The following MAMLD1 variants were observed in gnomAD, a reference collection of about 807,000 sequenced individuals.
MAMLD1 encodes the protein mastermind-like domain-containing protein 1.
MAMLD1 carries 14 observed loss-of-function variants against 45.0 expected under a neutral mutation model. The observed-to-expected ratio is 0.31, with a 90% confidence interval of 0.21 to 0.49. MAMLD1 has a LOEUF of 0.49. MAMLD1 is among the 20% of genes least tolerant of loss of function. The pLI, the probability that MAMLD1 is intolerant of heterozygous loss-of-function variation, is 0.99. For missense variants in MAMLD1, 543 were observed against 603.6 expected, an observed-to-expected ratio of 0.90 and a Z score of 1.05; for synonymous variants, 254 against 247.8, an observed-to-expected ratio of 1.02 and a Z score of -0.24.
At chrX:150,500,798 G>C (rs184751109) in intron 5 of MAMLD1, among the ~76,000 whole-genome samples, 5 of 69,350 alleles carry the variant, frequency 7.2e-5, no homozygotes, top group Middle Eastern at 8.2e-3. Flanking sequence ...TGTGTGATAA[G>C]CAGTTTCTTT....
chrX:150,373,639 T>A (rs1379932915), intron 1 of MAMLD1, among the ~76,000 whole-genome samples: 1 of 111,547 alleles, frequency 9.0e-6, no homozygotes, highest in Non-Finnish European at 1.9e-5. Flanking sequence ...GGCTGCCAAA[T>A]CCCGAGCAAA....
At chrX:150,425,049 CA>C (rs1216841868) in intron 1 of MAMLD1, among the ~76,000 whole-genome samples, 2 of 112,042 alleles carry the variant, frequency 1.8e-5, no homozygotes, top group Non-Finnish European at 3.8e-5. Context: ...ACGGTTCATC[CA>C]TGTTATAACA....
chrX:150,509,170 T>C (rs1432968859), intron 6 of MAMLD1, among the ~76,000 whole-genome samples: 2 of 111,938 alleles, frequency 1.8e-5, no homozygotes, highest in Non-Finnish European at 3.8e-5. Flanking sequence ...CAATTGCCTA[T>C]GCTGCAACTA....
intron 6 of MAMLD1, among the ~76,000 whole-genome samples, chrX:150,507,862 A>T (rs2037779604): frequency 8.9e-6 from 1 of 111,831 alleles, no homozygotes; most frequent in Admixed American, 9.4e-5. Context: ...CACACTCTCC[A>T]GCCTCCATCT....
At chrX:150,367,824 C>T (rs1323920949) in intron 1 of MAMLD1, among the ~76,000 whole-genome samples, 7 of 110,215 alleles carry the variant, frequency 6.4e-5, no homozygotes, top group African/African-American at 2.3e-4. Context: ...GTTTTTTGTC[C>T]TTGCGATAGT....
chrX:150,399,027 T>C (rs1217646868), intron 1 of MAMLD1, among the ~76,000 whole-genome samples: 3 of 112,149 alleles, frequency 2.7e-5, no homozygotes, highest in Non-Finnish European at 5.6e-5. Context: ...TGGTAAACCT[T>C]TGGAACTTTC....
chrX:150,390,773 A>T (rs1481269916), intron 1 of MAMLD1, among the ~76,000 whole-genome samples: 1 of 112,048 alleles, frequency 8.9e-6, no homozygotes, highest in Non-Finnish European at 1.9e-5. Flanking sequence ...TCTTTTCTTT[A>T]TGTAGTTTCA....
In MAMLD1 at chrX:150,512,291, G is replaced by A; in HGVS notation, c.*332G>A. 2 of 1,122,864 alleles carry A rather than the reference G, an allele frequency of 1.8e-6. No individual in the cohort carries two copies. The highest frequency in any genetic ancestry group is 2.3e-6 in the Non-Finnish European group (2 of 853,811). 92.5% of individuals were successfully genotyped at this position (1,122,864 alleles called of 1,213,427 possible). On this transcript the variant is annotated 3_prime_UTR_variant, in exon 8 of 8. Transcript: ENST00000370401. ...CTGCCAGCATATGCAGAGTCCCAAG[G>A]CCACCCCACCAGAAGTGCCCCTGCC...
intron 1 of MAMLD1, among the ~76,000 whole-genome samples, chrX:150,401,494 C>T (rs2033763196): frequency 9.6e-6 from 1 of 104,441 alleles, no homozygotes; most frequent in Non-Finnish European, 2.0e-5. Flanking sequence ...GGCCATACTG[C>T]CCAAGGTAAT....
rs375878915 is a variant in MAMLD1 at position 150,380,602 on chromosome X, G to A, written c.-64+17072G>A. ...GTTAGAAAGCCTTTCCTCACATCCA[G>A]TTTAAAGAGAAATTCACCAAATTTT... On this transcript the variant is annotated intron_variant, in intron 1 of 7. Coordinates refer to ENST00000370401, the MANE Select transcript of MAMLD1 (RefSeq NM_005491.5). Among the ~76,000 whole-genome samples, 6 of 111,307 alleles carry A rather than the reference G, an allele frequency of 5.4e-5. No individual in the cohort carries two copies. The East Asian group carries it at 1.4e-3, about 26-fold the overall frequency.
At chrX:150,481,963 A>AAAAAGAAAGAAAGAAAGAAAG (rs2036791125) in intron 5 of MAMLD1, among the ~76,000 whole-genome samples, 5 of 82,696 alleles carry the variant, frequency 6.0e-5, no homozygotes, top group Admixed American at 1.4e-4. Flanking sequence ...GAAAGAAAGA[A>AAAAAGAAAGAAAGAAAGAAAG]AAAAGAAAGA....
At chrX:150,425,295 G>C (rs2034666569) in intron 1 of MAMLD1, among the ~76,000 whole-genome samples, 1 of 111,535 alleles carries the variant, frequency 9.0e-6, no homozygotes, top group South Asian at 3.8e-4. Context: ...GCTACTCTAT[G>C]TTAGTTTTTC....
Position 150,466,748 on chromosome X carries a change from G to T in MAMLD1, c.172-2997G>T, listed in dbSNP as rs782555702. Among the ~76,000 whole-genome samples the T allele has an allele frequency of 2.7e-5, 3 of 112,037 alleles. No individual in the cohort carries two copies. The South Asian group carries it at 1.1e-3, about 43-fold the overall frequency. ...TGCTGGAAAAGGTGTGTGTATACGG[G>T]CTCTCATGTAGGAGAGGTGCAGCCT... On this transcript the variant is annotated intron_variant, in intron 3 of 7. Transcript: ENST00000370401.
At chrX:150,509,917 A>G in intron 6 of MAMLD1, 45 bp from the exon 7 acceptor site, 1 of 945,315 alleles carries the variant, frequency 1.1e-6, no homozygotes, top group Non-Finnish European at 1.5e-6. Context: ...GCTAATTATT[A>G]ATTGGTAGCT....
chrX:150,508,293 T>C (rs926129942), intron 6 of MAMLD1, among the ~76,000 whole-genome samples: 10 of 112,006 alleles, frequency 8.9e-5, no homozygotes, highest in Admixed American at 1.9e-4. Context: ...CTAGATGACA[T>C]AAAATAATGG....
In MAMLD1 at chrX:150,365,279, G is replaced by C. The variant is rs1330843695; in HGVS notation, c.-64+1749G>C. On this transcript the variant is annotated intron_variant, in intron 1 of 7. Coordinates refer to ENST00000370401, the MANE Select transcript of MAMLD1 (RefSeq NM_005491.5). ...CAGGAGGGCAAGTGTAGGCGATGGG[G>C]GAGGGGGCTGTGTTTCGAGGACCCT... Among the ~76,000 whole-genome samples, 3 of 112,019 alleles carry C rather than the reference G, an allele frequency of 2.7e-5. No homozygotes were observed. The Admixed American group carries it at 2.8e-4, about 10-fold the overall frequency.
At chrX:150,500,081 G>T (rs1293155392) in intron 5 of MAMLD1, among the ~76,000 whole-genome samples, 1 of 112,131 alleles carries the variant, frequency 8.9e-6, no homozygotes, top group East Asian at 2.8e-4. Context: ...GATACTGTCG[G>T]GGCACCAGAG....
intron 1 of MAMLD1, among the ~76,000 whole-genome samples, chrX:150,407,976 G>A (rs2034037450): frequency 9.0e-6 from 1 of 111,604 alleles, no homozygotes; most frequent in Non-Finnish European, 1.9e-5. Flanking sequence ...ATCCCAGAGT[G>A]GAGAGCATAG....
chrX:150,501,906 G>T (rs1369395051), intron 5 of MAMLD1, among the ~76,000 whole-genome samples: 1 of 112,214 alleles, frequency 8.9e-6, no homozygotes, highest in African/African-American at 3.2e-5. Context: ...AGGCAAGCCT[G>T]GGTTTGCATC....
Sources: gnomAD v4.1 joint callset for allele counts (sites outside exome capture counted in the v4.1 genomes callset) on GRCh38, gnomAD v4.1.1 for gene constraint, MANE v1.5 for transcripts, NCBI Gene and HGNC (gene_info 2026-07-23, HGNC 2026-07-21) for gene names.